The following PNKD variants were observed in gnomAD, a reference collection of about 807,000 sequenced individuals.
PNKD encodes PNKD metallo-beta-lactamase domain containing.
Under a neutral mutation model 45.3 loss-of-function variants are expected in PNKD, and 36 were observed. The ratio of observed to expected loss-of-function variants is 0.80; its 90% CI spans 0.61 to 1.05. PNKD has a LOEUF of 1.05. Ranked by LOEUF, PNKD falls within the 50% of genes least tolerant of loss-of-function variation. PNKD has a pLI of 0.00. For missense variants in PNKD, 511 were observed against 506.6 expected, an observed-to-expected ratio of 1.01 and a Z score of -0.08; for synonymous variants, 197 against 210.1, an observed-to-expected ratio of 0.94 and a Z score of 0.54.
intron 2 of PNKD, among the ~76,000 whole-genome samples, chr2:218,316,550 C>T (rs1335205683): frequency 6.6e-6 from 1 of 152,144 alleles, no homozygotes; most frequent in African/African-American, 2.4e-5. Context: ...GGATTACAGG[C>T]GTGAGCCACT....
intron 9 of PNKD, 89 bp from the exon 10 acceptor site, chr2:218,344,719 C>T (rs1694779564): frequency 6.9e-7 from 1 of 1,458,196 alleles, no homozygotes; most frequent in Admixed American, 1.7e-5. Flanking sequence ...TCCTGAACTC[C>T]AGGATGGGGC....
chr2:218,320,029 G>A (rs567335748), intron 2 of PNKD, among the ~76,000 whole-genome samples: 1 of 152,358 alleles, frequency 6.6e-6, no homozygotes, highest in African/African-American at 2.4e-5. Flanking sequence ...AGTGTGGCTG[G>A]TCCGTGGTGA....
At chr2:218,318,698 G>T (rs190182024) in intron 2 of PNKD, among the ~76,000 whole-genome samples, 2 of 152,180 alleles carry the variant, frequency 1.3e-5, no homozygotes, top group Admixed American at 6.5e-5. Flanking sequence ...GAATACAGTG[G>T]TGCCAACACA....
intron 2 of PNKD, among the ~76,000 whole-genome samples, chr2:218,338,965 T>A (rs1694586193): frequency 6.7e-6 from 1 of 148,824 alleles, no homozygotes; most frequent in Admixed American, 6.7e-5. Context: ...GCTATTCTTT[T>A]TTTTGTGTGT....
intron 2 of PNKD, chr2:218,281,917 C>T: frequency 7.0e-6 from 11 of 1,562,864 alleles, no homozygotes; most frequent in Non-Finnish European, 6.9e-6. Context: ...CACCCACCTT[C>T]CATCTGCCCT....
rs1690830604 is a variant in PNKD at position 218,271,516 on chromosome 2, GCAAGAACCC to G, written c.206_214del (p.Lys69_Pro71del). 6.2e-7 allele frequency: 1 copy of G among 1,614,068 alleles called. No individual in the cohort carries two copies. The highest frequency in any genetic ancestry group is 1.7e-5 in the Admixed American group (1 of 59,992). On this transcript the variant is annotated inframe_deletion, in exon 2 of 10. Coordinates refer to ENST00000273077, the MANE Select transcript of PNKD (RefSeq NM_015488.5). ...CTGGAATACATTCCCAGAAAGAGGGGCAAGAACCCCATGAAAGCTGTGGGACTGGCCTGG... is the reference window on the plus strand; with the variant it reads ...CTGGAATACATTCCCAGAAAGAGGGGCATGAAAGCTGTGGGACTGGCCTGG...
chr2:218,323,409 C>T lies in PNKD; in HGVS notation c.237-16374C>T, dbSNP rs201323830. 5.6e-5 allele frequency: 88 copies of T among 1,573,638 alleles called. No individual in the cohort carries two copies. In the Middle Eastern group the frequency reaches 8.3e-4, roughly 15 times the overall value. On this transcript the variant is annotated intron_variant, in intron 2 of 9. Transcript: ENST00000273077. Reference sequence around the variant, plus strand: ...CCGCGGTCTGCTCATGGCGCACAGCCAGCGGCTGCTCTTCCGAATCGGGTT... The same window carrying T: ...CCGCGGTCTGCTCATGGCGCACAGCTAGCGGCTGCTCTTCCGAATCGGGTT...
chr2:218,343,948 C>T (rs1359708703), intron 8 of PNKD, among the ~76,000 whole-genome samples: 1 of 152,246 alleles, frequency 6.6e-6, no homozygotes, highest in Non-Finnish European at 1.5e-5. Context: ...TGCATGTAAC[C>T]ATTGCCTTGT....
At chr2:218,289,408 G>C (rs568719422) in intron 2 of PNKD, among the ~76,000 whole-genome samples, 1 of 152,162 alleles carries the variant, frequency 6.6e-6, no homozygotes, top group African/African-American at 2.4e-5. Flanking sequence ...TTGGGAGGCC[G>C]AGCCAGGCGG....
At chr2:218,330,062 G>T (rs1458276331) in intron 2 of PNKD, among the ~76,000 whole-genome samples, 1 of 152,224 alleles carries the variant, frequency 6.6e-6, no homozygotes, top group African/African-American at 2.4e-5. Context: ...TTGGGTCCCA[G>T]TGGAGTCTGG....
intron 2 of PNKD, among the ~76,000 whole-genome samples, chr2:218,320,755 G>A (rs1693966064): frequency 6.6e-6 from 1 of 152,206 alleles, no homozygotes; most frequent in Non-Finnish European, 1.5e-5. Flanking sequence ...GCAAAGGCAT[G>A]GGGGTGTGAA....
chr2:218,297,965 T>C (rs1404485772), intron 2 of PNKD, among the ~76,000 whole-genome samples: 2 of 142,220 alleles, frequency 1.4e-5, no homozygotes, highest in African/African-American at 2.7e-5. Flanking sequence ...GCCACTGCAC[T>C]CCAGCCTGGG....
chr2:218,315,030 T>TTCTA (rs1693745282), intron 2 of PNKD, among the ~76,000 whole-genome samples: 1 of 1,280 alleles, frequency 7.8e-4, no homozygotes, highest in South Asian at 0.038. Flanking sequence ...CTTTCTTTCT[T>TTCTA]TCTTTCTTTT....
intron 2 of PNKD, among the ~76,000 whole-genome samples, chr2:218,291,579 G>A (rs1197289006): frequency 6.6e-6 from 1 of 152,132 alleles, no homozygotes; most frequent in Non-Finnish European, 1.5e-5. Context: ...TGGGTACCAC[G>A]TAGAGGCCAC....
intron 2 of PNKD, chr2:218,277,463 A>C (rs766742640): frequency 2.5e-6 from 4 of 1,614,020 alleles, no homozygotes; most frequent in Non-Finnish European, 3.4e-6. Context: ...ACTGGGGAGA[A>C]GCAGGAGTTA....
intron 2 of PNKD, among the ~76,000 whole-genome samples, chr2:218,313,299 T>C (rs1203698975): frequency 6.6e-6 from 1 of 152,116 alleles, no homozygotes; most frequent in Non-Finnish European, 1.5e-5. Context: ...TTAGTAGAGA[T>C]CTGGTTTCAC....
chr2:218,275,414 G>T, intron 2 of PNKD: 1 of 1,560,658 alleles, frequency 6.4e-7, no homozygotes, highest in Non-Finnish European at 8.7e-7. Context: ...ACAGTCATAG[G>T]GCCCAGCCCT....
chr2:218,295,338 C>G (rs1209058358), intron 2 of PNKD, among the ~76,000 whole-genome samples: 1 of 152,182 alleles, frequency 6.6e-6, no homozygotes, highest in Non-Finnish European at 1.5e-5. Context: ...AACTCACAGT[C>G]TAAGGGAGCC....
intron 6 of PNKD, 54 bp downstream of exon 6, chr2:218,341,680 C>A: frequency 7.7e-7 from 1 of 1,301,440 alleles, no homozygotes; most frequent in Non-Finnish European, 1.1e-6. Context: ...TTTCCCCCAC[C>A]CCCAGCCTTC....
Sources: allele counts gnomAD v4.1 joint callset (sites outside exome capture counted in the v4.1 genomes callset), GRCh38; gene constraint gnomAD v4.1.1; transcripts MANE v1.5; gene names NCBI Gene and HGNC (gene_info 2026-07-23, HGNC 2026-07-21).